Variants in ACTN3 observed in about 807,000 individuals in gnomAD.
The protein encoded by ACTN3 is actinin alpha 3, also known as alpha-actinin-3.
A neutral mutation model predicts 119.6 loss-of-function variants in ACTN3; 91 were observed. That is an observed-to-expected ratio of 0.76 (90% CI 0.64 to 0.91). The LOEUF (loss-of-function observed/expected upper bound fraction) is 0.91, where lower values mean the gene tolerates loss of function less well. Ranked by LOEUF, ACTN3 falls within the 40% of genes least tolerant of loss-of-function variation. The pLI is 0.00. For missense variants in ACTN3, 1,221 were observed against 1,215.1 expected, an observed-to-expected ratio of 1.00 and a Z score of -0.07; for synonymous variants, 456 against 478.8, an observed-to-expected ratio of 0.95 and a Z score of 0.62.
upstream of ACTN3, chr11:66,546,590 G>A: frequency 1.3e-6 from 2 of 1,535,620 alleles, no homozygotes; most frequent in Non-Finnish European, 1.7e-6. Flanking sequence ...CCTCTAGAGC[G>A]GCCCGCGGCC....
intron 8 of ACTN3, among the ~76,000 whole-genome samples, chr11:66,556,718 T>G (rs1857597374): frequency 6.6e-6 from 1 of 152,056 alleles, no homozygotes; most frequent in African/African-American, 2.4e-5. Flanking sequence ...ATTACAGGCA[T>G]GAGCCACCAC....
chr11:66,556,857 C>G (rs751516926), intron 8 of ACTN3, among the ~76,000 whole-genome samples: 1 of 152,102 alleles, frequency 6.6e-6, no homozygotes, highest in Non-Finnish European at 1.5e-5. Flanking sequence ...GCCTGCCAGG[C>G]TCACGCCATT....
At position 66,561,558 on chromosome 11, in the gene ACTN3, T is replaced by G; in HGVS notation, c.2096T>G (p.Ile699Ser). The G allele has an allele frequency of 6.2e-7, 1 of 1,612,756 alleles. No individual in the cohort carries two copies. Among genetic ancestry groups the G allele is most frequent in the East Asian group, 2.2e-5 (1 of 44,844 alleles). The change falls in exon 17 of 21, where the codon ATT becomes AGT. Residue 699 changes from isoleucine (I) to serine (S), a missense_variant. By Grantham distance (142) the Ile-to-Ser change is moderately radical. Around this residue, in one of 3 missense-constraint regions of ACTN3, gnomAD observed 934 missense variants for 899.9 expected, o/e 1.04. Coordinates refer to ENST00000513398, the MANE Select transcript of ACTN3 (RefSeq NM_001104.4). ...AACATTATCAACTACAAGACTAACA[T>G]TGACCGGCTGGAGGGTGACCACCAG... ...EQNIINYKTN[I>S]DRLEGDHQLL... is the part of the protein sequence containing the mutation.
rs755533562 is a variant in ACTN3, at chr11:66,546,998, G to A, written c.61G>A (p.Gly21Ser). Residue 21 changes from glycine to serine, a missense_variant, in exon 1 of 21, where the codon GGC becomes AGC. By Grantham distance (56) the Gly-to-Ser change is moderately conservative. Coordinates refer to ENST00000513398, the MANE Select transcript of ACTN3 (RefSeq NM_001104.4). ...CGGGGAGGGGCGCTTTGCGGGCGGCGGCGGGGGCGGCGAGTACATGGAACA... is the reference window on the plus strand; with the variant it reads ...CGGGGAGGGGCGCTTTGCGGGCGGCAGCGGGGGCGGCGAGTACATGGAACA... ...GAGEGRFAGGGGGGEYMEQEE... is the reference protein window; with the variant it reads ...GAGEGRFAGGSGGGEYMEQEE... The A allele has an allele frequency of 1.4e-5, 22 of 1,521,302 alleles. No individual in the cohort carries two copies. Among genetic ancestry groups the A allele is most frequent in the Non-Finnish European group, 1.8e-5 (21 of 1,138,810 alleles). 94.2% of individuals were successfully genotyped at this position (1,521,302 alleles called of 1,614,324 possible). A position where few individuals can be genotyped will look rare whatever the true frequency, so the allele number is the denominator to read the frequency against.
chr11:66,550,914 C>T (rs1157406583), intron 1 of ACTN3: 3 of 417,898 alleles, frequency 7.2e-6, no homozygotes, highest in Admixed American at 3.2e-5. Flanking sequence ...CCTCAGAGGG[C>T]CCCACATTTT....
chr11:66,551,605 A>C lies in ACTN3; in HGVS notation c.340A>C (p.Ile114Leu). 1 of 1,614,054 alleles carries C rather than the reference A, an allele frequency of 6.2e-7. No individual in the cohort carries two copies. Among genetic ancestry groups the C allele is most frequent in the Non-Finnish European group, 8.5e-7 (1 of 1,180,044 alleles). ...IANVNKALDF[I>L]ASKGVKLVSI... ...CAACGTTAACAAGGCCCTGGACTTC[A>C]TTGCCAGCAAGGGGGTTAAACTGGT... The change falls in exon 3 of 21, where the codon ATT becomes CTT. Residue 114 changes from isoleucine to leucine, a missense_variant. Around this residue, in one of 3 missense-constraint regions of ACTN3, gnomAD observed 239 missense variants for 231.8 expected, o/e 1.03. Coordinates refer to ENST00000513398, the MANE Select transcript of ACTN3 (RefSeq NM_001104.4).
chr11:66,547,841 A>G (rs1187311496), intron 1 of ACTN3, among the ~76,000 whole-genome samples: 1 of 152,108 alleles, frequency 6.6e-6, no homozygotes, highest in East Asian at 1.9e-4. Flanking sequence ...AAAGAGGGGC[A>G]CAGGGGCAGC....
rs948085819 is a variant in ACTN3, at chr11:66,557,235, G to A, written c.897+10G>A. Reference sequence around the variant, plus strand: ...GAAGCTTGCCAGTGAGGTGAGGCTGGGCTCCCACCGTGCTCTCCCCACCCC... The same window carrying A: ...GAAGCTTGCCAGTGAGGTGAGGCTGAGCTCCCACCGTGCTCTCCCCACCCC... On this transcript the variant is annotated intron_variant, in intron 9 of 20. Transcript: ENST00000513398. The A allele has an allele frequency of 1.9e-6, 3 of 1,551,644 alleles. No individual in the cohort carries two copies. Among genetic ancestry groups the A allele is most frequent in the Non-Finnish European group, 2.6e-6 (3 of 1,147,116 alleles).
chr11:66,548,663 T>A (rs1001859227), intron 1 of ACTN3, among the ~76,000 whole-genome samples: 1 of 152,158 alleles, frequency 6.6e-6, no homozygotes, highest in Admixed American at 6.5e-5. Flanking sequence ...TCCCTGTTGC[T>A]CTATGCTCCC....
At position 66,562,079 on chromosome 11, in the gene ACTN3, G is replaced by A; in HGVS notation, c.2233G>A (p.Val745Met). 7.4e-6 allele frequency: 12 copies of A among 1,613,958 alleles called. No homozygotes were observed. Among genetic ancestry groups the A allele is most frequent in the Non-Finnish European group, 1.0e-5 (12 of 1,179,952 alleles). The change falls in exon 18 of 21, where the codon GTG (valine) becomes ATG (methionine). Residue 745 changes from valine to methionine, a missense_variant. Val to Met is a conservative substitution (Grantham distance 21). Coordinates refer to ENST00000513398, the MANE Select transcript of ACTN3 (RefSeq NM_001104.4). ...LTSIARTINE[V>M]ENQVLTRDAK... The stretch of plus-strand genomic sequence containing the variant: ...CTCCATTGCCCGCACCATCAATGAA[G>A]TGGAGAACCAGGTACTGACCCGAGA...
chr11:66,550,716 T>C (rs1256815937), intron 1 of ACTN3, among the ~76,000 whole-genome samples: 1 of 151,944 alleles, frequency 6.6e-6, no homozygotes, highest in Admixed American at 6.6e-5. Flanking sequence ...GCCCTCAGAG[T>C]CCTTACTCAT....
At chr11:66,552,342 C>T (rs1590804778) in intron 3 of ACTN3, among the ~76,000 whole-genome samples, 3 of 151,444 alleles carry the variant, frequency 2.0e-5, no homozygotes, top group African/African-American at 7.3e-5. Context: ...TGCACTCCAG[C>T]CTGGGTGACA....
In ACTN3 at chr11:66,560,024, A is replaced by G. The variant is rs1443095871; in HGVS notation, c.1484A>G (p.Asp495Gly). 1.9e-6 allele frequency: 3 copies of G among 1,605,148 alleles called. No homozygotes were observed. The South Asian group carries it at 3.4e-5, about 18-fold the overall frequency. Residue 495 changes from aspartate to glycine, a missense_variant, in exon 13 of 21, where the codon GAT becomes GGT. Asp to Gly is a moderately conservative substitution (Grantham distance 94). Coordinates refer to ENST00000513398, the MANE Select transcript of ACTN3 (RefSeq NM_001104.4). Reference sequence around the variant, plus strand: ...AATAGCCGCTGCCAGGCCATCTGCGATCAGTGGGACAACCTGGGCACCCTG... The same window carrying G: ...AATAGCCGCTGCCAGGCCATCTGCGGTCAGTGGGACAACCTGGGCACCCTG... ...SVNSRCQAICDQWDNLGTLTQ... is the reference protein window; with the variant it reads ...SVNSRCQAICGQWDNLGTLTQ...
Position 66,546,908 on chromosome 11 carries a change from G to A in ACTN3, c.-30G>A, listed in dbSNP as rs745351070. On this transcript the variant is annotated 5_prime_UTR_variant, in exon 1 of 21. Coordinates refer to ENST00000513398, the MANE Select transcript of ACTN3 (RefSeq NM_001104.4). ...GGGCCCGGGTGTCCGAGAGCGTGCC[G>A]AGCGGAGCGAAGCCAGGAGCCCGAT... The A allele has an allele frequency of 9.2e-6, 14 of 1,528,490 alleles. No homozygotes were observed. The highest frequency in any genetic ancestry group is 1.4e-5 in the African/African-American group (1 of 72,364). 94.7% of individuals were successfully genotyped at this position (1,528,490 alleles called of 1,614,324 possible). A position where few individuals can be genotyped will look rare whatever the true frequency, so the allele number is the denominator to read the frequency against.
At chr11:66,556,379 C>G (rs1857590628) in intron 8 of ACTN3, 149 bp downstream of exon 8, 1 of 709,190 alleles carries the variant, frequency 1.4e-6, no homozygotes, top group Non-Finnish European at 2.3e-6. Flanking sequence ...GCAGAGGACC[C>G]TGGTTTGGAA....
At chr11:66,546,551 A>G (rs1857344232), upstream of ACTN3, 1 of 1,535,540 alleles carries the variant, frequency 6.5e-7, no homozygotes, top group African/African-American at 1.4e-5. Context: ...AGGTGCTGGA[A>G]GAGGCTCACG....
chr11:66,561,733 G>A, intron 17 of ACTN3, 96 bp downstream of exon 17: 1 of 1,424,110 alleles, frequency 7.0e-7, no homozygotes, highest in African/African-American at 1.4e-5. Flanking sequence ...TCCCAGCAGA[G>A]TCCCCAGTTC....
chr11:66,548,299 C>T (rs1227790342), intron 1 of ACTN3, among the ~76,000 whole-genome samples: 2 of 152,104 alleles, frequency 1.3e-5, no homozygotes, highest in African/African-American at 4.8e-5. Context: ...GGCAATTTCC[C>T]GGTGGTGTCA....
At chr11:66,562,380 T>C (rs1009910039) in intron 19 of ACTN3, 58 bp downstream of exon 19, 3 of 1,555,626 alleles carry the variant, frequency 1.9e-6, no homozygotes, top group African/African-American at 2.7e-5. Context: ...TCTGTGCTGA[T>C]CACCTACTGT....
Sources: allele counts gnomAD v4.1 joint callset (sites outside exome capture counted in the v4.1 genomes callset), GRCh38; gene constraint gnomAD v4.1.1; regional missense constraint gnomAD v4.1.1; transcripts MANE v1.5; gene names NCBI Gene and HGNC (gene_info 2026-07-23, HGNC 2026-07-21).